CDH3: variants seen among roughly 807,000 people sequenced by gnomAD.
The protein encoded by CDH3 is cadherin-3.
CDH3 carries 54 observed loss-of-function variants against 82.0 expected under a neutral mutation model. The ratio of observed to expected loss-of-function variants is 0.66; its 90% CI spans 0.53 to 0.83. The LOEUF (loss-of-function observed/expected upper bound fraction) is 0.83, where lower values mean the gene tolerates loss of function less well. Among genes scored for constraint, CDH3 ranks in the 40% least tolerant of loss-of-function variants. The pLI is 0.00. For synonymous variants in CDH3, 446 were observed against 437.9 expected (o/e 1.02, Z -0.23); for missense variants, 1,054 against 1,084.6 (o/e 0.97, Z 0.40).
At chr16:68,663,108 C>T (rs1960638455) in intron 2 of CDH3, among the ~76,000 whole-genome samples, 1 of 152,006 alleles carries the variant, frequency 6.6e-6, no homozygotes, top group Non-Finnish European at 1.5e-5. Flanking sequence ...TCATGGTGAT[C>T]CACCTGCCTC....
intron 2 of CDH3, among the ~76,000 whole-genome samples, chr16:68,662,840 C>T (rs1960626754): frequency 6.7e-6 from 1 of 148,998 alleles, no homozygotes; most frequent in African/African-American, 2.5e-5. Flanking sequence ...GCCACCGTTC[C>T]CGGAGGCTGG....
Position 68,678,496 on chromosome 16 carries a change from T to A in CDH3, c.391-5T>A. 1.2e-6 allele frequency: 2 copies of A among 1,614,196 alleles called. No homozygotes were observed. Among genetic ancestry groups the A allele is most frequent in the Non-Finnish European group, 1.7e-6 (2 of 1,180,016 alleles). On this transcript the variant is annotated splice_polypyrimidine_tract_variant and splice_region_variant and intron_variant, in intron 4 of 15. Coordinates refer to ENST00000264012, the MANE Select transcript of CDH3 (RefSeq NM_001793.6). ...TTGTCAGCTGCCATTTTCTTTTCCC[T>A]CCAGCTCAAGTCTAATAAAGATAGA...
chr16:68,650,524 C>T (rs1427189695), intron 2 of CDH3, among the ~76,000 whole-genome samples: 1 of 152,200 alleles, frequency 6.6e-6, no homozygotes, highest in Non-Finnish European at 1.5e-5. Context: ...TGGTGTCGAA[C>T]TCCCGATCTC....
At chr16:68,648,324 T>C (rs1960137312) in intron 2 of CDH3, among the ~76,000 whole-genome samples, 1 of 152,152 alleles carries the variant, frequency 6.6e-6, no homozygotes, top group Non-Finnish European at 1.5e-5. Flanking sequence ...TATGAATGAA[T>C]TTGACAACCT....
At chr16:68,718,752 T>C (rs2152110988) in intron 1 of CDH3, among the ~76,000 whole-genome samples, 1 of 152,220 alleles carries the variant, frequency 6.6e-6, no homozygotes, top group Middle Eastern at 3.4e-3. Flanking sequence ...GCTAACCATA[T>C]GATTTAGTAA....
intron 7 of CDH3, among the ~76,000 whole-genome samples, chr16:68,680,527 A>G (rs1472530602): frequency 1.3e-5 from 2 of 152,136 alleles, no homozygotes; most frequent in Admixed American, 1.3e-4. Flanking sequence ...AAAAATACAA[A>G]AATTAGCTGG....
chr16:68,654,729 TATA>T (rs1416548502), intron 2 of CDH3, among the ~76,000 whole-genome samples: 5 of 139,036 alleles, frequency 3.6e-5, no homozygotes, highest in African/African-American at 1.3e-4. Context: ...TATATATATA[TATA>T]TATTTATTTT....
Position 68,666,036 on chromosome 16 carries a change from A to G in CDH3, c.161-10349A>G, listed in dbSNP as rs74905073. On this transcript the variant is annotated intron_variant, in intron 2 of 15. Coordinates refer to ENST00000264012, the MANE Select transcript of CDH3 (RefSeq NM_001793.6). ...CTTTTCAAAGGAATATTTGAAATCAATCATCCATTTCCCAATCTTTCCACC... is the reference window on the plus strand; with the variant it reads ...CTTTTCAAAGGAATATTTGAAATCAGTCATCCATTTCCCAATCTTTCCACC... Among the ~76,000 whole-genome samples the G allele has an allele frequency of 5.9e-3, 896 of 152,192 alleles. 12 individuals carry two copies. The highest frequency in any genetic ancestry group is 0.021 in the African/African-American group (867 of 41,528).
chr16:68,692,873 G>A (rs1961614200), intron 13 of CDH3, among the ~76,000 whole-genome samples: 1 of 152,226 alleles, frequency 6.6e-6, no homozygotes, highest in Non-Finnish European at 1.5e-5. Context: ...GGGAGGCCAA[G>A]GTGGGTGGAT....
chr16:68,645,595 G>A (rs980525332), intron 1 of CDH3, 41 bp from the exon 2 acceptor site: 4 of 1,504,710 alleles, frequency 2.7e-6, no homozygotes, highest in African/African-American at 1.4e-5. Flanking sequence ...GGCCGGGCAC[G>A]CCTGGACCCA....
rs764761761 is a variant in CDH3 at position 68,678,281 on chromosome 16, C to T, written c.390+4C>T. On this transcript the variant is annotated splice_donor_region_variant and intron_variant, in intron 4 of 15. Transcript: ENST00000264012. ...CTTCCCCCAGAGACTGAATCAGGTA[C>T]GACTGTGCCTTCTCCTGGGAAGCAT... 3.0e-5 allele frequency: 49 copies of T among 1,613,990 alleles called. 1 individual carries two copies. The highest frequency in any genetic ancestry group is 2.3e-4 in the Admixed American group (14 of 60,000).
chr16:68,704,539 A>C (rs200290591), downstream of CDH3, among the ~76,000 whole-genome samples: 618 of 152,274 alleles, frequency 4.1e-3, 1 homozygote, highest in Middle Eastern at 6.8e-3. Context: ...ATTCACTCAA[A>C]CCACCACCAC....
At chr16:68,723,659 G>C (rs183108192) in intron 2 of CDH3, among the ~76,000 whole-genome samples, 17 of 152,330 alleles carry the variant, frequency 1.1e-4, no homozygotes, top group African/African-American at 3.4e-4. Context: ...GGCCAGACAC[G>C]GTGGCTCACG....
In CDH3 at chr16:68,698,246, T is replaced by C. The variant is rs1961797868; in HGVS notation, c.2336T>C (p.Val779Ala). 1.9e-6 allele frequency: 3 copies of C among 1,614,190 alleles called. No individual in the cohort carries two copies. In the African/African-American group the frequency reaches 4.0e-5, roughly 22 times the overall value. ...GCCCCGCCCTACGACACCCTCTTGG[T>C]GTTCGACTATGAGGGCAGCGGCTCC... The part of the protein sequence containing the change: ...PTAPPYDTLL[V>A]FDYEGSGSDA... Residue 779 changes from valine (V) to alanine (A), a missense_variant, in exon 16 of 16, where the codon GTG (valine) becomes GCG (alanine). By Grantham distance (64) the Val-to-Ala change is moderately conservative (BLOSUM62 0). Transcript: ENST00000264012.
chr16:68,686,293 T>A, intron 11 of CDH3: 1 of 721,178 alleles, frequency 1.4e-6, no homozygotes, highest in Non-Finnish European at 2.4e-6. Flanking sequence ...CCAGGCGGTC[T>A]TTTCACGTGT....
At position 68,676,396 on chromosome 16, in the gene CDH3, T is replaced by C. The variant is rs1440667475; in HGVS notation, c.172T>C (p.Cys58Arg). The change falls in exon 3 of 16, where the codon TGC becomes CGC. Residue 58 changes from cysteine to arginine, a missense_variant. Physicochemically the swap from Cys to Arg is radical, Grantham distance 180. Coordinates refer to ENST00000264012, the MANE Select transcript of CDH3 (RefSeq NM_001793.6). ...CCCCTTCCCCACAGTATTCATGGGC[T>C]GCCCTGGGCAAGAGCCAGCTCTGTT... ...GQALGKVFMG[C>R]PGQEPALFST... 1 of 1,613,498 alleles carries C rather than the reference T, an allele frequency of 6.2e-7. No homozygotes were observed. The highest frequency in any genetic ancestry group is 1.7e-5 in the Admixed American group (1 of 60,022).
intron 8 of CDH3, among the ~76,000 whole-genome samples, chr16:68,681,948 A>T (rs1235166102): frequency 6.6e-6 from 1 of 152,216 alleles, no homozygotes; most frequent in African/African-American, 2.4e-5. Context: ...GCCCCAGCCC[A>T]TTCAGGCACC....
Position 68,678,230 on chromosome 16 carries a change from T to A in CDH3, c.343T>A (p.Ser115Thr). Residue 115 changes from serine (S) to threonine (T), a missense_variant, in exon 4 of 16, where the codon TCT (serine) becomes ACT (threonine). By Grantham distance (58) the Ser-to-Thr change is moderately conservative. Transcript: ENST00000264012. ...HKRDWVVAPI[S>T]VPENGKGPFP... is the part of the protein sequence containing the mutation. ...GAGAGATTGGGTGGTTGCTCCAATA[T>A]CTGTCCCTGAAAATGGCAAGGGTCC... The A allele has an allele frequency of 1.2e-6, 2 of 1,614,108 alleles. No homozygotes were observed. The highest frequency in any genetic ancestry group is 2.2e-5 in the South Asian group (2 of 91,084).
chr16:68,728,158 GTTTT>G (rs869135047), downstream of CDH3, among the ~76,000 whole-genome samples: 1 of 56,206 alleles, frequency 1.8e-5, no homozygotes, highest in Non-Finnish European at 5.5e-5. Context: ...ACCTTATGAG[GTTTT>G]TTGTTTGTTT....
Sources: allele counts gnomAD v4.1 joint callset (sites outside exome capture counted in the v4.1 genomes callset), GRCh38; gene constraint gnomAD v4.1.1; transcripts MANE v1.5; gene names NCBI Gene and HGNC (gene_info 2026-07-23, HGNC 2026-07-21).